The following XKR6 variants were observed in gnomAD, a reference collection of about 807,000 sequenced individuals.
XKR6 encodes XK related 6, also known as XK-related protein 6.
XKR6 carries 22 observed loss-of-function variants against 56.7 expected under a neutral mutation model. The observed-to-expected ratio is 0.39, with a 90% CI of 0.28 to 0.55. The LOEUF (loss-of-function observed/expected upper bound fraction) is 0.55. Ranked by LOEUF, XKR6 falls within the 20% of genes least tolerant of loss-of-function variation. The pLI is 0.66. For synonymous variants in XKR6, 524 were observed against 387.8 expected (o/e 1.35, Z -4.13); for missense variants, 852 against 889.0 (o/e 0.96, Z 0.53).
At chr8:10,912,653 T>TGAGTAG in intron 2 of XKR6, among the ~76,000 whole-genome samples, 1 of 41,950 alleles carries the variant, frequency 2.4e-5, no homozygotes. Flanking sequence ...AGAGGGTGTC[T>TGAGTAG]ATATGTGTGT....
At chr8:10,971,176 C>T (rs933834494) in intron 1 of XKR6, among the ~76,000 whole-genome samples, 3 of 151,822 alleles carry the variant, frequency 2.0e-5, no homozygotes, top group Non-Finnish European at 4.4e-5. Context: ...AATCCCAGCA[C>T]TTTGGGAGGC....
At chr8:11,138,721 T>G (rs535811449) in intron 1 of XKR6, 3 of 152,258 alleles carry the variant, frequency 2.0e-5, no homozygotes, top group African/African-American at 7.2e-5. Context: ...GGTCTTCAGG[T>G]TGATGAAAAT....
chr8:11,058,473 G>A (rs1413107519), intron 1 of XKR6, among the ~76,000 whole-genome samples: 2 of 152,232 alleles, frequency 1.3e-5, no homozygotes, highest in African/African-American at 4.8e-5. Context: ...TAAAGAAAAT[G>A]TGGCACATAT....
At chr8:10,976,804 C>T (rs1216790288) in intron 1 of XKR6, among the ~76,000 whole-genome samples, 1 of 152,000 alleles carries the variant, frequency 6.6e-6, no homozygotes, top group Non-Finnish European at 1.5e-5. Context: ...TCAGAGCAGG[C>T]TACCTAGGAT....
At chr8:11,011,389 T>C (rs11250108) in intron 1 of XKR6, among the ~76,000 whole-genome samples, 58,849 of 152,024 alleles carry the variant, frequency 0.39, 12,588 homozygotes, top group African/African-American at 0.55. Flanking sequence ...ACCAGAAGGG[T>C]ACAGGTACAC....
intron 1 of XKR6, among the ~76,000 whole-genome samples, chr8:10,990,457 G>T (rs1797963799): frequency 6.6e-6 from 1 of 152,228 alleles, no homozygotes; most frequent in African/African-American, 2.4e-5. Flanking sequence ...ACCGGCAGTA[G>T]TTGGAGAAGA....
At chr8:11,146,623 C>CA (rs544514802) in intron 1 of XKR6, among the ~76,000 whole-genome samples, 1,413 of 60,930 alleles carry the variant, frequency 0.023, 19 homozygotes, top group East Asian at 0.05. Flanking sequence ...GAGACCCTGT[C>CA]AAAAAAAAAA....
chr8:11,101,376 G>A (rs1172939631), intron 1 of XKR6, among the ~76,000 whole-genome samples: 1 of 152,202 alleles, frequency 6.6e-6, no homozygotes, highest in Non-Finnish European at 1.5e-5. Context: ...GTACACGGCT[G>A]AGAACAAAGG....
intron 1 of XKR6, among the ~76,000 whole-genome samples, chr8:10,974,494 A>C (rs1252979230): frequency 6.6e-6 from 1 of 152,170 alleles, no homozygotes; most frequent in Non-Finnish European, 1.5e-5. Flanking sequence ...TGGGCCACGG[A>C]CCCTGCCAGA....
rs146331297 is a variant in XKR6, at chr8:11,194,924, G to A, written c.764+5652C>T. ...ATGCTGCATCCCCAGTTGCAATTTC[G>A]CTCCAAAGCATGCCATTTTTTCATC... On this transcript the variant is annotated intron_variant, in intron 1 of 2. Coordinates refer to ENST00000416569, the MANE Select transcript of XKR6 (RefSeq NM_173683.4). The A allele has an allele frequency of 2.9e-3, 1,517 of 531,266 alleles. 6 individuals carry two copies. Among genetic ancestry groups the A allele is most frequent in the Admixed American group, 5.1e-3 (145 of 28,376 alleles). The allele number at this position is 531,266 out of a possible 1,614,324, so 32.9% of individuals were successfully genotyped here.
chr8:11,153,783 C>G (rs1801374976), intron 1 of XKR6, among the ~76,000 whole-genome samples: 1 of 152,140 alleles, frequency 6.6e-6, no homozygotes, highest in African/African-American at 2.4e-5. Flanking sequence ...ATCTTGGACT[C>G]CTTCCTCTCT....
At chr8:11,125,491 G>T (rs1799729883) in intron 1 of XKR6, among the ~76,000 whole-genome samples, 1 of 152,102 alleles carries the variant, frequency 6.6e-6, no homozygotes, top group African/African-American at 2.4e-5. Flanking sequence ...TACTAGGCAG[G>T]AAACATACAG....
intron 1 of XKR6, among the ~76,000 whole-genome samples, chr8:11,104,223 A>G (rs959956003): frequency 6.6e-6 from 1 of 152,258 alleles, no homozygotes; most frequent in Admixed American, 6.5e-5. Context: ...ATCCTGGGAA[A>G]TAAAAGGACA....
At chr8:11,005,485 G>A (rs1390921364) in intron 1 of XKR6, among the ~76,000 whole-genome samples, 3 of 152,066 alleles carry the variant, frequency 2.0e-5, no homozygotes, top group Non-Finnish European at 2.9e-5. Context: ...GGAAATGGAC[G>A]GTGGTAATGG....
chr8:11,120,162 CAT>C (rs1799377829), intron 1 of XKR6, among the ~76,000 whole-genome samples: 1 of 152,164 alleles, frequency 6.6e-6, no homozygotes. Flanking sequence ...TCCTATTCAA[CAT>C]AGTGTTGGAA....
intron 1 of XKR6, among the ~76,000 whole-genome samples, chr8:10,991,341 C>A (rs528683307): frequency 7.2e-5 from 11 of 152,268 alleles, no homozygotes; most frequent in African/African-American, 2.4e-4. Context: ...CAGTTCTCAG[C>A]GTTCAAAGCT....
chr8:11,111,978 A>G (rs1351492969), intron 1 of XKR6: 1 of 152,256 alleles, frequency 6.6e-6, no homozygotes, highest in Non-Finnish European at 1.5e-5. Context: ...ATAATTTTCA[A>G]AACATTTTAA....
chr8:11,055,419 C>T (rs550797233), intron 1 of XKR6, among the ~76,000 whole-genome samples: 1 of 152,286 alleles, frequency 6.6e-6, no homozygotes, highest in African/African-American at 2.4e-5. Context: ...GGCCAGAGCC[C>T]AAGGTCGGGG....
chr8:10,978,513 G>C (rs561956348), intron 1 of XKR6, among the ~76,000 whole-genome samples: 1 of 152,296 alleles, frequency 6.6e-6, no homozygotes, highest in Non-Finnish European at 1.5e-5. Context: ...TGGGAAACAG[G>C]TGTATTTTAT....
Sources: allele counts gnomAD v4.1 joint callset (sites outside exome capture counted in the v4.1 genomes callset), GRCh38; gene constraint gnomAD v4.1.1; transcripts MANE v1.5; gene names NCBI Gene and HGNC (gene_info 2026-07-23, HGNC 2026-07-21).